Variants in TTLL9 observed in about 807,000 individuals in gnomAD.
TTLL9 encodes probable tubulin polyglutamylase TTLL9.
In TTLL9, 47 loss-of-function variants were observed where a neutral mutation model predicts 65.6. The ratio of observed to expected loss-of-function variants is 0.72; its 90% CI spans 0.57 to 0.91. The LOEUF is 0.91. TTLL9 is among the 40% of genes least tolerant of loss of function. The probability of loss-of-function intolerance (pLI) is 0.00; values close to 1 mark genes in which losing one functional copy is unlikely to be tolerated. For missense variants in TTLL9, 537 were observed against 568.8 expected (o/e 0.94, Z 0.57); for synonymous variants, 179 against 204.8 (o/e 0.87, Z 1.07).
intron 6 of TTLL9, among the ~76,000 whole-genome samples, chr20:31,916,103 G>A (rs1347997189): frequency 6.6e-6 from 1 of 152,194 alleles, no homozygotes; most frequent in African/African-American, 2.4e-5. Context: ...CAGAGTTGAG[G>A]GCTGGAAGAC....
chr20:31,926,217 G>A (rs2063904619), intron 10 of TTLL9, 126 bp downstream of exon 10: 3 of 692,142 alleles, frequency 4.3e-6, no homozygotes, highest in African/African-American at 3.5e-5. Flanking sequence ...TAGTTTTGGT[G>A]CTATGCCTAA....
Position 31,870,668 on chromosome 20 carries a change from A to G in TTLL9, c.-287A>G, listed in dbSNP as rs958713246. 6.6e-6 allele frequency: 8 copies of G among 1,207,842 alleles called. No homozygotes were observed. In the Admixed American group the frequency reaches 3.0e-4, roughly 46 times the overall value. 74.8% of individuals were successfully genotyped at this position (1,207,842 alleles called of 1,614,324 possible). ...GGCCCACGGCCCGCGGGACAACGGCAGTTTGTTGGGGCCGCGTGGGGCCGC... is the reference window on the plus strand; with the variant it reads ...GGCCCACGGCCCGCGGGACAACGGCGGTTTGTTGGGGCCGCGTGGGGCCGC... On this transcript the variant is annotated 5_prime_UTR_variant, in exon 1 of 15. Coordinates refer to ENST00000535842, the MANE Select transcript of TTLL9 (RefSeq NM_001008409.5). This position sits in a 1 kb window ranked among gnomAD's most constrained non-coding sequence, Gnocchi z 6.6.
chr20:31,890,936 G>C (rs1423783371), intron 3 of TTLL9, among the ~76,000 whole-genome samples: 1 of 152,212 alleles, frequency 6.6e-6, no homozygotes, highest in Non-Finnish European at 1.5e-5. Flanking sequence ...ATGCACAGGA[G>C]TGGTGAATGC....
intron 2 of TTLL9, among the ~76,000 whole-genome samples, chr20:31,875,432 C>G (rs2063024814): frequency 6.7e-6 from 1 of 149,914 alleles, no homozygotes; most frequent in African/African-American, 2.5e-5. Flanking sequence ...AAAAAGGAAA[C>G]AAGACCAAAC....
intron 4 of TTLL9, among the ~76,000 whole-genome samples, chr20:31,907,287 G>T (rs937993495): frequency 3.9e-5 from 6 of 152,206 alleles, no homozygotes; most frequent in African/African-American, 9.7e-5. Flanking sequence ...CTGAGGATCC[G>T]TGAATGAATA....
intron 3 of TTLL9, among the ~76,000 whole-genome samples, chr20:31,889,972 CTCTT>C (rs758616240): frequency 0.14 from 15,619 of 113,284 alleles, 969 homozygotes; most frequent in East Asian, 0.16. Flanking sequence ...CCACATCTCT[CTCTT>C]TCTTTCTTTC....
At chr20:31,921,231 A>C (rs1198728601) in intron 7 of TTLL9, among the ~76,000 whole-genome samples, 1 of 152,228 alleles carries the variant, frequency 6.6e-6, no homozygotes, top group Non-Finnish European at 1.5e-5. Context: ...AATGCTCATC[A>C]TCAGTGGCCA....
intron 3 of TTLL9, 47 bp from the exon 4 acceptor site, chr20:31,898,426 A>G: frequency 6.4e-7 from 1 of 1,567,748 alleles, no homozygotes; most frequent in South Asian, 1.1e-5. Context: ...GCGCCATCCT[A>G]GGAAAATCAT....
chr20:31,905,229 C>A (rs926236770), intron 4 of TTLL9, among the ~76,000 whole-genome samples: 1 of 152,154 alleles, frequency 6.6e-6, no homozygotes, highest in Non-Finnish European at 1.5e-5. Flanking sequence ...TGCCACCACG[C>A]TGGGCTAGTT....
chr20:31,934,508 G>A, intron 11 of TTLL9, 184 bp from the exon 12 acceptor site: 1 of 670,392 alleles, frequency 1.5e-6, no homozygotes. Flanking sequence ...AGTCCTCTTA[G>A]ACATGAAGAA....
Position 31,943,540 on chromosome 20 carries a change from G to A in TTLL9, c.*519G>A. Reference sequence around the variant, plus strand: ...TTACACAGCAAGCAGTTATTAGATTGTGTGTTTATTGGGGGCCTGGGGAAG... The same window carrying A: ...TTACACAGCAAGCAGTTATTAGATTATGTGTTTATTGGGGGCCTGGGGAAG... On this transcript the variant is annotated 3_prime_UTR_variant, in exon 15 of 15. Coordinates refer to ENST00000535842, the MANE Select transcript of TTLL9 (RefSeq NM_001008409.5). The A allele has an allele frequency of 2.9e-6, 1 of 344,610 alleles. No individual in the cohort carries two copies. The highest frequency in any genetic ancestry group is 2.3e-5 in the South Asian group (1 of 44,208). The allele number at this position is 344,610 out of a possible 1,614,324, so 21.3% of individuals were successfully genotyped here.
rs538178622 is a variant in TTLL9 at position 31,875,323 on chromosome 20, T to A, written c.69+4128T>A. ...AAGACTGGAACACAGTACATTATTA[T>A]TATTATTACCATTGGCATTACTATT... On this transcript the variant is annotated intron_variant, in intron 2 of 14. Transcript: ENST00000535842. Among the ~76,000 whole-genome samples the A allele has an allele frequency of 2.3e-4, 35 of 152,310 alleles. 1 individual carries two copies. The South Asian group carries it at 7.3e-3, about 32-fold the overall frequency.
intron 6 of TTLL9, among the ~76,000 whole-genome samples, chr20:31,917,137 G>C (rs2063747511): frequency 6.6e-6 from 1 of 152,168 alleles, no homozygotes; most frequent in Non-Finnish European, 1.5e-5. Flanking sequence ...GGCACAGTAT[G>C]AATTTTCACA....
At chr20:31,929,296 T>C (rs2063965468) in intron 10 of TTLL9, among the ~76,000 whole-genome samples, 1 of 152,230 alleles carries the variant, frequency 6.6e-6, no homozygotes. Flanking sequence ...GTTTCTACAA[T>C]GGATAGGCCT....
At chr20:31,909,714 CG>C in intron 5 of TTLL9, 22 bp from the exon 6 acceptor site, 1 of 1,608,850 alleles carries the variant, frequency 6.2e-7, no homozygotes, top group Non-Finnish European at 8.5e-7. Context: ...AGCTAATGGC[CG>C]CCTGTCCTTC....
At chr20:31,928,479 T>C (rs2063947457) in intron 10 of TTLL9, among the ~76,000 whole-genome samples, 1 of 151,310 alleles carries the variant, frequency 6.6e-6, no homozygotes, top group Non-Finnish European at 1.5e-5. Flanking sequence ...ATAATAAACA[T>C]TTTTAACCTG....
chr20:31,897,153 C>G (rs2063399375), intron 3 of TTLL9, among the ~76,000 whole-genome samples: 1 of 152,132 alleles, frequency 6.6e-6, no homozygotes, highest in Admixed American at 6.6e-5. Flanking sequence ...AACCACTGAG[C>G]CTGGAGATTT....
intron 2 of TTLL9, among the ~76,000 whole-genome samples, chr20:31,878,790 C>T (rs2063070211): frequency 6.6e-6 from 1 of 152,156 alleles, no homozygotes; most frequent in East Asian, 1.9e-4. Context: ...AACTCTCATG[C>T]TATCTGCAAA....
chr20:31,919,840 C>G lies in TTLL9; in HGVS notation c.505-24C>G. On this transcript the variant is annotated intron_variant, in intron 6 of 14. Transcript: ENST00000535842. Reference sequence around the variant, plus strand: ...GGAACCACGCAGAGCTAAGAGCTGGCTTTCTGCCCCCATCCCACCCCAGGT... The same window carrying G: ...GGAACCACGCAGAGCTAAGAGCTGGGTTTCTGCCCCCATCCCACCCCAGGT... 1.9e-6 allele frequency: 3 copies of G among 1,574,904 alleles called. 1 individual carries two copies. In the South Asian group the frequency reaches 3.5e-5, roughly 18 times the overall value.
Sources: allele counts gnomAD v4.1 joint callset (sites outside exome capture counted in the v4.1 genomes callset), GRCh38; gene constraint gnomAD v4.1.1; non-coding constraint Gnocchi (gnomAD v3.1); transcripts MANE v1.5; gene names NCBI Gene and HGNC (gene_info 2026-07-23, HGNC 2026-07-21).